PODXL2: variants seen among roughly 807,000 people sequenced by gnomAD.
PODXL2 encodes podocalyxin like 2.
A neutral mutation model predicts 53.4 loss-of-function variants in PODXL2; 17 were observed. The ratio of observed to expected loss-of-function variants is 0.32; its 90% CI spans 0.22 to 0.48. PODXL2 has a LOEUF of 0.48. Ranked by LOEUF, PODXL2 falls within the 20% of genes least tolerant of loss-of-function variation. The probability of loss-of-function intolerance (pLI) is 0.99; values close to 1 mark genes in which losing one functional copy is unlikely to be tolerated. For missense variants in PODXL2, 673 were observed against 760.0 expected (o/e 0.89, Z 1.35); for synonymous variants, 311 against 306.7 (o/e 1.01, Z -0.15).
chr3:127,630,471 C>T (rs767240417), intron 1 of PODXL2, among the ~76,000 whole-genome samples: 7 of 152,288 alleles, frequency 4.6e-5, no homozygotes, highest in South Asian at 2.1e-4. Context: ...ACATTTCCCA[C>T]GCAGCTGGCC....
At chr3:127,648,288 T>C (rs1434033866) in intron 2 of PODXL2, among the ~76,000 whole-genome samples, 2 of 152,234 alleles carry the variant, frequency 1.3e-5, no homozygotes, top group African/African-American at 4.8e-5. Flanking sequence ...CGAGCAGCTG[T>C]CTGCTGGGAC....
chr3:127,655,444 G>A (rs753897403), intron 2 of PODXL2, among the ~76,000 whole-genome samples: 5 of 151,882 alleles, frequency 3.3e-5, no homozygotes, highest in Non-Finnish European at 7.4e-5. Flanking sequence ...AATAATAATA[G>A]CAGGAGGAGG....
At position 127,660,805 on chromosome 3, in the gene PODXL2, C is replaced by A; in HGVS notation, c.777C>A (p.Asp259Glu). The A allele has an allele frequency of 1.9e-6, 3 of 1,614,238 alleles. No individual in the cohort carries two copies. The highest frequency in any genetic ancestry group is 2.5e-6 in the Non-Finnish European group (3 of 1,180,020). ...CTACAGTGACTCCGGGGGACCAGGACTCCACCAGCCAAGAGGCAGAGGCCA... is the reference window on the plus strand; with the variant it reads ...CTACAGTGACTCCGGGGGACCAGGAATCCACCAGCCAAGAGGCAGAGGCCA... ...TPTTVTPGDQ[D>E]STSQEAEATV... The change falls in exon 3 of 8, where the codon GAC becomes GAA. Residue 259 changes from aspartate (D) to glutamate (E), a missense_variant. Around this residue, in one of 3 missense-constraint regions of PODXL2, gnomAD observed 588 missense variants for 668.3 expected, o/e 0.88. Transcript: ENST00000342480.
chr3:127,671,426 A>T lies in PODXL2; in HGVS notation c.1426-8A>T. 6.2e-7 allele frequency: 1 copy of T among 1,611,712 alleles called. No individual in the cohort carries two copies. Among genetic ancestry groups the T allele is most frequent in the Non-Finnish European group, 8.5e-7 (1 of 1,178,366 alleles). ...TCAGCTGAGGAAACTGGCCCCTCCC[A>T]CCCCTAGATTGGCATCCAGAACTAT... On this transcript the variant is annotated splice_polypyrimidine_tract_variant and splice_region_variant and intron_variant, in intron 6 of 7. Coordinates refer to ENST00000342480, the MANE Select transcript of PODXL2 (RefSeq NM_015720.4).
At chr3:127,669,320 T>G in intron 6 of PODXL2, 118 bp downstream of exon 6, 1 of 697,898 alleles carries the variant, frequency 1.4e-6, no homozygotes, top group South Asian at 1.9e-5. Flanking sequence ...AGACAGAGCG[T>G]GCTCTGGGCA....
intron 4 of PODXL2, among the ~76,000 whole-genome samples, chr3:127,663,906 C>G (rs2074781527): frequency 6.6e-6 from 1 of 152,162 alleles, no homozygotes; most frequent in African/African-American, 2.4e-5. Flanking sequence ...TGCTTTTATT[C>G]TGTTTTCCCT....
intron 1 of PODXL2, among the ~76,000 whole-genome samples, chr3:127,635,838 C>T (rs1452179156): frequency 6.6e-6 from 1 of 152,226 alleles, no homozygotes; most frequent in East Asian, 1.9e-4. Context: ...CTGCAGTCAG[C>T]TGGGTGGTTC....
chr3:127,652,536 C>T (rs2074696682), intron 2 of PODXL2, among the ~76,000 whole-genome samples: 6 of 152,146 alleles, frequency 3.9e-5, no homozygotes, highest in Admixed American at 3.9e-4. Flanking sequence ...GCTCCGAGGC[C>T]CAGCCCGAGC....
At chr3:127,642,943 G>A (rs1461476076) in intron 2 of PODXL2, among the ~76,000 whole-genome samples, 1 of 152,140 alleles carries the variant, frequency 6.6e-6, no homozygotes, top group East Asian at 1.9e-4. Flanking sequence ...ACCTCACAGG[G>A]TTGTGAGGTT....
chr3:127,640,211 G>A (rs1400285124), intron 2 of PODXL2, among the ~76,000 whole-genome samples: 1 of 152,220 alleles, frequency 6.6e-6, no homozygotes, highest in Non-Finnish European at 1.5e-5. Flanking sequence ...CCAATGTCCT[G>A]GGCCAGCAGG....
intron 1 of PODXL2, among the ~76,000 whole-genome samples, chr3:127,631,825 A>T (rs958420008): frequency 6.6e-6 from 1 of 152,254 alleles, no homozygotes; most frequent in Non-Finnish European, 1.5e-5. Flanking sequence ...AAGACAAAAC[A>T]GTCATTAGAG....
chr3:127,660,842 G>T lies in PODXL2; in HGVS notation c.814G>T (p.Ala272Ser). 6.2e-7 allele frequency: 1 copy of T among 1,614,260 alleles called. No individual in the cohort carries two copies. Among genetic ancestry groups the T allele is most frequent in the Non-Finnish European group, 8.5e-7 (1 of 1,180,042 alleles). ...SQEAEATVLP[A>S]AGLGVEFEAP... The stretch of plus-strand genomic sequence containing the variant: ...AGAGGCAGAGGCCACAGTGCTGCCA[G>T]CTGCAGGGCTTGGGGTAGAGTTCGA... The change falls in exon 3 of 8, where the codon GCT (alanine) becomes TCT (serine). Residue 272 changes from alanine to serine, a missense_variant. Transcript: ENST00000342480.
At chr3:127,653,114 C>T (rs1420736588) in intron 2 of PODXL2, among the ~76,000 whole-genome samples, 1 of 152,158 alleles carries the variant, frequency 6.6e-6, no homozygotes, top group Non-Finnish European at 1.5e-5. Context: ...CCTGCTGAGG[C>T]TTCCTCTCCC....
chr3:127,643,315 A>G (rs2074633030), intron 2 of PODXL2, among the ~76,000 whole-genome samples: 2 of 152,136 alleles, frequency 1.3e-5, no homozygotes, highest in Non-Finnish European at 2.9e-5. Flanking sequence ...AGTTCAAGCA[A>G]TTCTCCTACC....
At chr3:127,635,175 C>G (rs1364491154) in intron 1 of PODXL2, among the ~76,000 whole-genome samples, 1 of 152,222 alleles carries the variant, frequency 6.6e-6, no homozygotes, top group Non-Finnish European at 1.5e-5. Flanking sequence ...TTCTCCTTCA[C>G]AGTGTACTGA....
intron 5 of PODXL2, 49 bp downstream of exon 5, chr3:127,668,646 G>A: frequency 2.1e-6 from 3 of 1,442,602 alleles, no homozygotes; most frequent in Non-Finnish European, 2.7e-6. Flanking sequence ...GTGGGAGGCG[G>A]GCGGCCCCTG....
At chr3:127,630,905 T>C (rs1047267053) in intron 1 of PODXL2, among the ~76,000 whole-genome samples, 1 of 152,250 alleles carries the variant, frequency 6.6e-6, no homozygotes, top group African/African-American at 2.4e-5. Flanking sequence ...AAACCAGAAC[T>C]GGCCAGCAAC....
chr3:127,643,784 G>A (rs970997213), intron 2 of PODXL2, among the ~76,000 whole-genome samples: 18 of 151,864 alleles, frequency 1.2e-4, no homozygotes, highest in African/African-American at 4.1e-4. Flanking sequence ...GACTACTGGT[G>A]TACCCCACCA....
At position 127,634,120 on chromosome 3, in the gene PODXL2, G is replaced by A. The variant is rs369864412; in HGVS notation, c.70+4831G>A. Among the ~76,000 whole-genome samples the A allele has an allele frequency of 2.2e-4, 34 of 151,980 alleles. No homozygotes were observed. The East Asian group carries it at 5.6e-3, about 25-fold the overall frequency. ...CCTGTATGATAGAATGATAGAACCA[G>A]ATTTGCATTTTAAAAAGACCTCTCG... On this transcript the variant is annotated intron_variant, in intron 1 of 7. Coordinates refer to ENST00000342480, the MANE Select transcript of PODXL2 (RefSeq NM_015720.4).
Sources: gnomAD v4.1 joint callset for allele counts (sites outside exome capture counted in the v4.1 genomes callset) on GRCh38, gnomAD v4.1.1 for gene constraint, gnomAD v4.1.1 regional missense constraint, MANE v1.5 for transcripts, NCBI Gene and HGNC (gene_info 2026-07-23, HGNC 2026-07-21) for gene names.